Variants in BIN2 observed in about 807,000 individuals in gnomAD.
BIN2 encodes the protein breast cancer associated protein BRAP1.
BIN2 carries 43 observed loss-of-function variants against 67.9 expected under a neutral mutation model. That is an observed-to-expected ratio of 0.63 (90% CI 0.50 to 0.82). BIN2 has a LOEUF of 0.82. BIN2 is among the 40% of genes least tolerant of loss of function. BIN2 has a pLI of 0.00. For synonymous variants in BIN2, 244 were observed against 246.8 expected (o/e 0.99, Z 0.11); for missense variants, 581 against 671.6 (o/e 0.87, Z 1.49).
At chr12:51,315,930 C>A (rs1363275027) in intron 1 of BIN2, among the ~76,000 whole-genome samples, 1 of 152,082 alleles carries the variant, frequency 6.6e-6, no homozygotes, top group Non-Finnish European at 1.5e-5. Flanking sequence ...CTGCCTATAA[C>A]CCCCATCTTG....
chr12:51,314,017 CTTATTTATTTATTTATTTATTTAT>C lies in BIN2; in HGVS notation c.82-138_82-115del, dbSNP rs138541026. 7.0e-5 allele frequency: 17 copies of C among 243,192 alleles called. 3 individuals are homozygous for C. In the South Asian group the frequency reaches 1.2e-3, roughly 17 times the overall value. 15.1% of individuals were successfully genotyped at this position (243,192 alleles called of 1,614,324 possible). On this transcript the variant is annotated intron_variant, in intron 1 of 12. Coordinates refer to ENST00000615107, the MANE Select transcript of BIN2 (RefSeq NM_016293.4). ...TCTCACTTACAACTCAAGGGCTGTA[CTTATTTATTTATTTATTTATTTAT>C]TTATTTATTTATTTATTTATTTTTG... is the stretch of plus-strand genomic sequence containing the variant.
rs1177711307 is a variant in BIN2 at position 51,313,912 on chromosome 12, A to G, written c.82-9T>C. On this transcript the variant is annotated splice_polypyrimidine_tract_variant and intron_variant, in intron 1 of 12. Coordinates refer to ENST00000615107, the MANE Select transcript of BIN2 (RefSeq NM_016293.4). ...CCCAATTTCTGCAGCACCTAGGGAT[A>G]TAAGTCAGAAAGGCCCGTAAGGTTA... is the stretch of plus-strand genomic sequence containing the variant. The G allele has an allele frequency of 2.5e-6, 4 of 1,611,848 alleles. No individual in the cohort carries two copies. The highest frequency in any genetic ancestry group is 3.4e-6 in the Non-Finnish European group (4 of 1,178,042).
intron 3 of BIN2, 29 bp downstream of exon 3, chr12:51,303,057 CT>C: frequency 6.2e-7 from 1 of 1,610,400 alleles, no homozygotes; most frequent in Non-Finnish European, 8.5e-7. Context: ...TATAAATGCC[CT>C]CTGGATTCTC....
At chr12:51,314,295 G>A (rs966670305) in intron 1 of BIN2, among the ~76,000 whole-genome samples, 1 of 151,832 alleles carries the variant, frequency 6.6e-6, no homozygotes, top group Non-Finnish European at 1.5e-5. Flanking sequence ...TGATCCACCC[G>A]CCTTGGCCTC....
At chr12:51,293,615 A>G (rs533702613) in intron 9 of BIN2, among the ~76,000 whole-genome samples, 244 of 152,274 alleles carry the variant, frequency 1.6e-3, no homozygotes, top group Non-Finnish European at 3.1e-3. Context: ...CCTGGCACAA[A>G]AACTTACATA....
chr12:51,309,951 G>A (rs1945955551), intron 2 of BIN2, among the ~76,000 whole-genome samples: 1 of 152,134 alleles, frequency 6.6e-6, no homozygotes, highest in Non-Finnish European at 1.5e-5. Context: ...ACCTGGAGTT[G>A]GAAATAGAAC....
At chr12:51,292,370 AGAACG>A in intron 9 of BIN2, 26 bp from the exon 10 acceptor site, 1 of 1,531,692 alleles carries the variant, frequency 6.5e-7, no homozygotes, top group East Asian at 2.3e-5. Flanking sequence ...GTTCAGATTC[AGAACG>A]GCTAAAAACC....
chr12:51,302,795 T>C lies in BIN2; in HGVS notation c.218-15A>G. 6.3e-7 allele frequency: 1 copy of C among 1,595,502 alleles called. No individual in the cohort carries two copies. The highest frequency in any genetic ancestry group is 1.1e-5 in the South Asian group (1 of 90,692). ...TTCATGCATCACTGAAAGGAGAGAA[T>C]TCAGTCCCACCATCATGTTTCCCCA... On this transcript the variant is annotated splice_polypyrimidine_tract_variant and intron_variant, in intron 3 of 12. Transcript: ENST00000615107.
chr12:51,322,278 G>A (rs1592288486), intron 1 of BIN2, among the ~76,000 whole-genome samples: 1 of 152,208 alleles, frequency 6.6e-6, no homozygotes, highest in Non-Finnish European at 1.5e-5. Context: ...GCCAAGGTTT[G>A]GAGTCTATGC....
upstream of BIN2, chr12:51,324,485 G>A (rs1269785088): frequency 1.4e-5 from 21 of 1,525,230 alleles, no homozygotes. Context: ...AGAAAATGAT[G>A]TGGGTTCCAC....
intron 9 of BIN2, among the ~76,000 whole-genome samples, chr12:51,293,669 G>A (rs749218876): frequency 5.9e-5 from 9 of 152,116 alleles, no homozygotes; most frequent in Non-Finnish European, 1.2e-4. Flanking sequence ...TTGAAAAATG[G>A]GAAAACGATA....
In BIN2 at chr12:51,281,541, C is replaced by T. The variant is rs761507679; in HGVS notation, c.1669-13G>A. The T allele has an allele frequency of 5.0e-6, 8 of 1,613,884 alleles. No individual in the cohort carries two copies. The East Asian group carries it at 1.6e-4, about 31-fold the overall frequency. The stretch of plus-strand genomic sequence containing the variant: ...CACTTGTGGATACCTGGAAAGTAAA[C>T]ATGATTGTGTTAGGTGTTGACCTGC... On this transcript the variant is annotated splice_polypyrimidine_tract_variant and intron_variant, in intron 12 of 12. Transcript: ENST00000615107.
At chr12:51,292,456 AGAAAGTT>A in intron 9 of BIN2, 112 bp from the exon 10 acceptor site, 1 of 1,251,688 alleles carries the variant, frequency 8.0e-7, no homozygotes, top group East Asian at 2.5e-5. Context: ...TTAAAATGTT[AGAAAGTT>A]TGCATAATTT....
At chr12:51,299,935 T>C (rs1167133359) in intron 5 of BIN2, among the ~76,000 whole-genome samples, 1 of 152,118 alleles carries the variant, frequency 6.6e-6, no homozygotes, top group East Asian at 1.9e-4. Flanking sequence ...GCCTCCCAGA[T>C]TCAAGCAATT....
chr12:51,324,313 C>A, upstream of BIN2: 7 of 1,360,492 alleles, frequency 5.1e-6, no homozygotes, highest in Non-Finnish European at 6.7e-6. Flanking sequence ...CCGGGGCCTA[C>A]CCTCAGGCAG....
intron 11 of BIN2, among the ~76,000 whole-genome samples, chr12:51,287,013 G>C (rs1330555674): frequency 3.9e-5 from 6 of 152,040 alleles, no homozygotes; most frequent in Non-Finnish European, 7.4e-5. Context: ...GTAGAGATGG[G>C]TTTTTCCTAT....
chr12:51,292,121 T>A lies in BIN2; in HGVS notation c.985A>T (p.Ser329Cys). The A allele has an allele frequency of 1.2e-6, 2 of 1,614,120 alleles. No individual in the cohort carries two copies. The highest frequency in any genetic ancestry group is 1.7e-6 in the Non-Finnish European group (2 of 1,180,022). The change falls in exon 10 of 13, where the codon AGC becomes TGC. Residue 329 changes from serine (S) to cysteine (C), a missense_variant. Physicochemically the swap from Ser to Cys is moderately radical, Grantham distance 112. Transcript: ENST00000615107. ...EEIEKEGSEA[S>C]SSEEDEPLPA... ...AGAGGCTCATCTTCCTCAGAGGAGC[T>A]TGCTTCAGATCCTTCCTTCTCTATT...
chr12:51,312,069 G>T (rs1946011064), intron 2 of BIN2, among the ~76,000 whole-genome samples: 1 of 152,126 alleles, frequency 6.6e-6, no homozygotes. Context: ...ACTGCACCCG[G>T]CCTGATAATG....
chr12:51,320,197 T>A (rs1190241365), intron 1 of BIN2, among the ~76,000 whole-genome samples: 1 of 152,102 alleles, frequency 6.6e-6, no homozygotes, highest in African/African-American at 2.4e-5. Context: ...GCCAGCCTGG[T>A]CTCGAACTCC....
Sources: allele counts gnomAD v4.1 joint callset (sites outside exome capture counted in the v4.1 genomes callset), GRCh38; gene constraint gnomAD v4.1.1; transcripts MANE v1.5; gene names NCBI Gene and HGNC (gene_info 2026-07-23, HGNC 2026-07-21).